RAB27A: variants seen among roughly 807,000 people sequenced by gnomAD.
RAB27A encodes RAB27A, member RAS oncogene family, also known as ras-related protein Rab-27A.
RAB27A carries 17 observed loss-of-function variants against 20.8 expected under a neutral mutation model. That is an observed-to-expected ratio of 0.82 (90% CI 0.56 to 1.23). The LOEUF (loss-of-function observed/expected upper bound fraction) is 1.23, where lower values mean the gene tolerates loss of function less well. Ranked by LOEUF, RAB27A falls within the 50% of genes most tolerant of loss-of-function variation. The probability of loss-of-function intolerance (pLI) is 0.00; values close to 1 mark genes in which losing one functional copy is unlikely to be tolerated. For missense variants in RAB27A, 277 were observed against 266.7 expected (o/e 1.04, Z -0.27); for synonymous variants, 85 against 92.8 (o/e 0.92, Z 0.48).
chr15:55,293,187 T>C (rs2054932165), upstream of RAB27A, among the ~76,000 whole-genome samples: 1 of 152,184 alleles, frequency 6.6e-6, no homozygotes, highest in Non-Finnish European at 1.5e-5. Context: ...TAAGAATTCA[T>C]GGATTTTAAT....
intron 6 of RAB27A, among the ~76,000 whole-genome samples, chr15:55,220,356 C>T (rs1309617809): frequency 6.6e-6 from 1 of 152,184 alleles, no homozygotes; most frequent in East Asian, 1.9e-4. Context: ...CAACCTCTGC[C>T]TTACCAGGGT....
At chr15:55,247,790 C>A (rs185505966) in intron 2 of RAB27A, among the ~76,000 whole-genome samples, 2 of 151,986 alleles carry the variant, frequency 1.3e-5, no homozygotes, top group African/African-American at 4.8e-5. Flanking sequence ...AAGAGACGGG[C>A]GCATTTATCA....
chr15:55,209,948 A>G (rs1894889177), intron 6 of RAB27A, among the ~76,000 whole-genome samples: 1 of 81,140 alleles, frequency 1.2e-5, no homozygotes, highest in South Asian at 3.4e-4. Flanking sequence ...ACATGTACAC[A>G]CATACGCATA....
chr15:55,271,381 G>C (rs1375673481), intron 1 of RAB27A, among the ~76,000 whole-genome samples: 1 of 152,016 alleles, frequency 6.6e-6, no homozygotes, highest in Non-Finnish European at 1.5e-5. Flanking sequence ...CACATTCTTG[G>C]GCCCACCCAG....
At chr15:55,215,801 CCAGGCGTGGTGG>C (rs1895267009) in intron 6 of RAB27A, among the ~76,000 whole-genome samples, 1 of 151,652 alleles carries the variant, frequency 6.6e-6, no homozygotes, top group African/African-American at 2.4e-5. Context: ...CAAAAATTAG[CCAGGCGTGGTGG>C]CAGGCGCCTA....
chr15:55,218,860 A>G (rs1168564661), intron 6 of RAB27A, among the ~76,000 whole-genome samples: 2 of 151,594 alleles, frequency 1.3e-5, no homozygotes, highest in Non-Finnish European at 2.9e-5. Flanking sequence ...CTCCTGCCTC[A>G]GCCTCCCAAG....
At chr15:55,316,826 C>T (rs1324944150) in intron 1 of RAB27A, among the ~76,000 whole-genome samples, 1 of 152,170 alleles carries the variant, frequency 6.6e-6, no homozygotes, top group Admixed American at 6.5e-5. Context: ...TTGATCTGAG[C>T]CATCCCAACT....
chr15:55,214,437 A>AAAC (rs962634616), intron 6 of RAB27A, among the ~76,000 whole-genome samples: 13 of 152,246 alleles, frequency 8.5e-5, no homozygotes, highest in South Asian at 2.1e-4. Context: ...CTCCGTCTCA[A>AAAC]AACAACAACA....
chr15:55,262,281 C>T (rs1897296154), intron 2 of RAB27A, among the ~76,000 whole-genome samples: 1 of 152,064 alleles, frequency 6.6e-6, no homozygotes, highest in South Asian at 2.1e-4. Flanking sequence ...GTGGCTCATG[C>T]ATGTAATCCT....
intron 1 of RAB27A, among the ~76,000 whole-genome samples, chr15:55,284,247 ACAC>A (rs1470005898): frequency 6.6e-6 from 1 of 152,230 alleles, no homozygotes; most frequent in Non-Finnish European, 1.5e-5. Context: ...CAAGTCACAT[ACAC>A]CTGTCTATCT....
intron 2 of RAB27A, among the ~76,000 whole-genome samples, chr15:55,303,259 G>A (rs867510353): frequency 5.2e-3 from 380 of 72,966 alleles, no homozygotes; most frequent in African/African-American, 0.027. Flanking sequence ...GGAGGGAGGT[G>A]GGGGGGTCAG....
intron 2 of RAB27A, among the ~76,000 whole-genome samples, chr15:55,256,223 T>C (rs1346228430): frequency 1.3e-5 from 2 of 152,106 alleles, no homozygotes; most frequent in East Asian, 1.9e-4. Flanking sequence ...AAAACCAACC[T>C]GGGCAACATA....
chr15:55,247,658 G>C (rs1566918839), intron 2 of RAB27A, among the ~76,000 whole-genome samples: 2 of 152,158 alleles, frequency 1.3e-5, no homozygotes, highest in South Asian at 4.1e-4. Context: ...TTCTGAAGGA[G>C]CAATGATACT....
At chr15:55,312,699 C>T (rs553224337) in intron 2 of RAB27A, among the ~76,000 whole-genome samples, 2 of 152,158 alleles carry the variant, frequency 1.3e-5, no homozygotes, top group East Asian at 3.9e-4. Flanking sequence ...AACAACTAAA[C>T]TGGCATCCTT....
chr15:55,229,688 T>C (rs1246666904), intron 4 of RAB27A, among the ~76,000 whole-genome samples: 1 of 151,840 alleles, frequency 6.6e-6, no homozygotes, highest in Non-Finnish European at 1.5e-5. Flanking sequence ...AAAAGAGCTC[T>C]TATCTTTTAG....
chr15:55,244,922 C>T (rs1157315921), intron 2 of RAB27A, among the ~76,000 whole-genome samples: 1 of 152,060 alleles, frequency 6.6e-6, no homozygotes, highest in Non-Finnish European at 1.5e-5. Flanking sequence ...GCTTTTCTTG[C>T]TTTTTTTGTT....
intron 6 of RAB27A, among the ~76,000 whole-genome samples, chr15:55,209,813 C>CATATGTGTATATATACACAT (rs1555391641): frequency 9.2e-6 from 1 of 108,260 alleles, no homozygotes; most frequent in Non-Finnish European, 1.7e-5. Context: ...TATATACACA[C>CATATGTGTATATATACACAT]ATGTGTGTAT....
In RAB27A at chr15:55,205,120, T is replaced by C. The variant is rs73407873; in HGVS notation, c.*387A>G. On this transcript the variant is annotated 3_prime_UTR_variant, in exon 7 of 7. Coordinates refer to ENST00000336787, the MANE Select transcript of RAB27A (RefSeq NM_183235.3). ...TTGAAGACTGTGGCGGTTTTATAAC[T>C]GCATGTAAGATCTTAAATGTAAGAC... 4.6e-3 allele frequency: 1,207 copies of C among 263,516 alleles called. 14 individuals carry two copies. The highest frequency in any genetic ancestry group is 0.022 in the African/African-American group (977 of 44,100). The allele number at this position is 263,516 out of a possible 1,614,324, so 16.3% of individuals were successfully genotyped here. A position where few individuals can be genotyped will look rare whatever the true frequency, so the allele number is the denominator to read the frequency against.
At chr15:55,266,418 G>A (rs141322811) in intron 2 of RAB27A, among the ~76,000 whole-genome samples, 3 of 152,308 alleles carry the variant, frequency 2.0e-5, no homozygotes, top group African/African-American at 4.8e-5. Context: ...GATTTTGAGG[G>A]TTTGAATTGT....
Sources: gnomAD v4.1 joint callset for allele counts (sites outside exome capture counted in the v4.1 genomes callset) on GRCh38, gnomAD v4.1.1 for gene constraint, MANE v1.5 for transcripts, NCBI Gene and HGNC (gene_info 2026-07-23, HGNC 2026-07-21) for gene names.